The following CHN2 variants were observed in gnomAD, a reference collection of about 807,000 sequenced individuals.
The protein encoded by CHN2 is beta-chimaerin.
In CHN2, 35 loss-of-function variants were observed where a neutral mutation model predicts 56.3. That is an observed-to-expected ratio of 0.62 (90% CI 0.47 to 0.82). The LOEUF (loss-of-function observed/expected upper bound fraction) is 0.82. CHN2 is among the 40% of genes least tolerant of loss of function. CHN2 has a pLI of 0.00. For missense variants in CHN2, 491 were observed against 580.5 expected (o/e 0.85, Z 1.58); for synonymous variants, 210 against 212.8 (o/e 0.99, Z 0.12).
intron 6 of CHN2, among the ~76,000 whole-genome samples, chr7:29,428,155 C>T (rs1014468285): frequency 1.3e-5 from 2 of 152,178 alleles, no homozygotes; most frequent in African/African-American, 4.8e-5. Context: ...GTTTCCTCAT[C>T]TCTAAAATGG....
intron 6 of CHN2, among the ~76,000 whole-genome samples, chr7:29,428,893 T>A (rs1805142633): frequency 6.6e-6 from 1 of 152,018 alleles, no homozygotes; most frequent in African/African-American, 2.4e-5. Context: ...GAGACCAGAG[T>A]TGAAGATGCA....
chr7:29,507,141 C>A, intron 10 of CHN2, 87 bp from the exon 11 acceptor site: 2 of 1,131,184 alleles, frequency 1.8e-6, no homozygotes, highest in Non-Finnish European at 2.5e-6. Flanking sequence ...GAGCATTCAT[C>A]GCTGGATTTT....
intron 2 of CHN2, among the ~76,000 whole-genome samples, chr7:29,157,261 C>G (rs891812664): frequency 6.6e-6 from 1 of 152,144 alleles, no homozygotes; most frequent in South Asian, 2.1e-4. Flanking sequence ...ACCCCTCCCC[C>G]ACCCTGCTAC....
At chr7:29,424,522 A>G (rs929330797) in intron 6 of CHN2, among the ~76,000 whole-genome samples, 10 of 152,114 alleles carry the variant, frequency 6.6e-5, no homozygotes, top group African/African-American at 2.2e-4. Flanking sequence ...TGCTCAGTCA[A>G]TTGTCACAAC....
intron 12 of CHN2, among the ~76,000 whole-genome samples, chr7:29,511,033 CCT>C (rs1791291112): frequency 6.6e-6 from 1 of 152,118 alleles, no homozygotes; most frequent in Non-Finnish European, 1.5e-5. Flanking sequence ...CATCTGTGTG[CCT>C]CTGTGTTTTT....
At chr7:29,235,951 G>A (rs544429080) in intron 1 of CHN2, among the ~76,000 whole-genome samples, 12 of 152,316 alleles carry the variant, frequency 7.9e-5, no homozygotes, top group Admixed American at 1.3e-4. Flanking sequence ...CATTACATGG[G>A]TGACAAAATA....
chr7:29,438,523 T>C (rs1190101688), intron 6 of CHN2, among the ~76,000 whole-genome samples: 1 of 152,214 alleles, frequency 6.6e-6, no homozygotes, highest in South Asian at 2.1e-4. Flanking sequence ...TTTTTTTCCA[T>C]GTTAGAAACA....
chr7:29,511,691 T>C (rs1791432815), intron 12 of CHN2, among the ~76,000 whole-genome samples: 1 of 151,938 alleles, frequency 6.6e-6, no homozygotes, highest in Non-Finnish European at 1.5e-5. Context: ...TGGCTTTTTA[T>C]GCACAACCTA....
rs1042309174 is a variant in CHN2, at chr7:29,147,001, C to G, written c.274+41C>G. The G allele has an allele frequency of 2.2e-5, 34 of 1,550,250 alleles. No individual in the cohort carries two copies. In the African/African-American group the frequency reaches 4.1e-4, roughly 19 times the overall value. On this transcript the variant is annotated intron_variant, in intron 2 of 6. Coordinates refer to the CHN2 transcript ENST00000439384. ...GTGCCACTGTCCTGCCAAGCACTCT[C>G]CTGAATCACTGCGCTGGAGTCTCAG...
At chr7:29,363,971 A>G (rs1798939302) in intron 2 of CHN2, among the ~76,000 whole-genome samples, 1 of 152,138 alleles carries the variant, frequency 6.6e-6, no homozygotes, top group African/African-American at 2.4e-5. Flanking sequence ...CAGGAGTTTG[A>G]TTCCAGCCTG....
chr7:29,367,092 A>G (rs1799225749), intron 2 of CHN2, among the ~76,000 whole-genome samples: 1 of 151,828 alleles, frequency 6.6e-6, no homozygotes, highest in Non-Finnish European at 1.5e-5. Flanking sequence ...TTCAACCTGT[A>G]TTTTCACAGA....
At chr7:29,470,074 G>A (rs772733398) in intron 6 of CHN2, among the ~76,000 whole-genome samples, 2 of 152,240 alleles carry the variant, frequency 1.3e-5, no homozygotes, top group Non-Finnish European at 1.5e-5. Context: ...TGTTCCCCTG[G>A]AATATTTACA....
intron 1 of CHN2, among the ~76,000 whole-genome samples, chr7:29,294,383 CAG>C (rs144497905): frequency 0.024 from 3,615 of 152,182 alleles, 157 homozygotes; most frequent in African/African-American, 0.083. Context: ...TTGGGAAAAA[CAG>C]GGGTGTTTGG....
chr7:29,376,846 A>C (rs75318554), intron 3 of CHN2, among the ~76,000 whole-genome samples: 4,001 of 151,716 alleles, frequency 0.026, 188 homozygotes, highest in African/African-American at 0.092. Context: ...ACTTTCCTGT[A>C]CTCTTTTATG....
intron 2 of CHN2, among the ~76,000 whole-genome samples, chr7:29,355,317 T>A (rs1798211149): frequency 6.6e-6 from 1 of 152,134 alleles, no homozygotes; most frequent in Admixed American, 6.5e-5. Flanking sequence ...GACAAATGTG[T>A]TGACTTCTAT....
chr7:29,449,174 A>G lies in CHN2; in HGVS notation c.577-31105A>G, dbSNP rs79544915. ...GTGAAGTGTTTCCTTATTATTTCAC[A>G]CAAGGGAAAAAGCAGAACAACTTAG... On this transcript the variant is annotated intron_variant, in intron 6 of 12. Coordinates refer to ENST00000222792, the MANE Select transcript of CHN2 (RefSeq NM_004067.4). Among the ~76,000 whole-genome samples, 57 of 152,360 alleles carry G rather than the reference A, an allele frequency of 3.7e-4. No homozygotes were observed. The East Asian group carries it at 0.011, about 29-fold the overall frequency.
chr7:29,344,645 A>T (rs952450809), intron 1 of CHN2, among the ~76,000 whole-genome samples: 1 of 152,120 alleles, frequency 6.6e-6, no homozygotes, highest in Non-Finnish European at 1.5e-5. Context: ...TGTCCAGGCA[A>T]TAGCCTATCT....
intron 3 of CHN2, among the ~76,000 whole-genome samples, chr7:29,381,978 C>A (rs527643812): frequency 6.6e-6 from 1 of 152,042 alleles, no homozygotes; most frequent in African/African-American, 2.4e-5. Context: ...TGATGGTTAG[C>A]GTCAGAGTTC....
intron 1 of CHN2, among the ~76,000 whole-genome samples, chr7:29,283,996 T>G (rs1446162404): frequency 7.5e-6 from 1 of 134,146 alleles, no homozygotes; most frequent in African/African-American, 2.9e-5. Context: ...AACCTCTGCC[T>G]CCCAGGTTCA....
Sources: allele counts gnomAD v4.1 joint callset (sites outside exome capture counted in the v4.1 genomes callset), GRCh38; gene constraint gnomAD v4.1.1; transcripts MANE v1.5; gene names NCBI Gene and HGNC (gene_info 2026-07-23, HGNC 2026-07-21).